The following DNAJC27 variants were observed in gnomAD, a reference collection of about 807,000 sequenced individuals.
The protein encoded by DNAJC27 is DnaJ heat shock protein family (Hsp40) member C27.
In DNAJC27, 25 loss-of-function variants were observed where a neutral mutation model predicts 31.4. That is an observed-to-expected ratio of 0.80 (90% CI 0.58 to 1.11). The LOEUF is 1.11. Among genes scored for constraint, DNAJC27 ranks in the 50% most tolerant of loss-of-function variants. The pLI is 0.00. For synonymous variants in DNAJC27, 106 were observed against 112.7 expected, an observed-to-expected ratio of 0.94 and a Z score of 0.37; for missense variants, 356 against 347.3, an observed-to-expected ratio of 1.02 and a Z score of -0.20.
chr2:24,947,478 A>T lies in DNAJC27; in HGVS notation c.*138T>A. 9.4e-7 allele frequency: 1 copy of T among 1,065,538 alleles called. No individual in the cohort carries two copies. The highest frequency in any genetic ancestry group is 1.8e-5 in the South Asian group (1 of 57,118). The allele number at this position is 1,065,538 out of a possible 1,614,324, so 66.0% of individuals were successfully genotyped here. ...AAATGTCTATGAAATGGGTACCTGA[A>T]TTACTGATATACAAATGACAACACA... On this transcript the variant is annotated 3_prime_UTR_variant, in exon 7 of 7. Coordinates refer to ENST00000264711, the MANE Select transcript of DNAJC27 (RefSeq NM_016544.3).
chr2:24,955,353 G>A (rs1665879981), intron 5 of DNAJC27, among the ~76,000 whole-genome samples: 1 of 152,090 alleles, frequency 6.6e-6, no homozygotes, highest in African/African-American at 2.4e-5. Context: ...CAGAGACTAT[G>A]CAATCTGAAA....
rs571784015 is a variant in DNAJC27, at chr2:24,953,160, A to C, written c.529-1606T>G. ...AATACTCATTTACCACACTACAGCC[A>C]CTTTTAAATGGACATATCTCCTCCT... On this transcript the variant is annotated intron_variant, in intron 5 of 6. Transcript: ENST00000264711. 6.6e-5 allele frequency among the ~76,000 whole-genome samples: 10 copies of C among 152,246 alleles called. No individual in the cohort carries two copies. In the East Asian group the frequency reaches 1.9e-3, roughly 29 times the overall value.
chr2:24,971,803 G>T lies in DNAJC27; in HGVS notation c.87+15C>A. 2 of 1,595,330 alleles carry T rather than the reference G, an allele frequency of 1.3e-6. No homozygotes were observed. Among genetic ancestry groups the T allele is most frequent in the Non-Finnish European group, 1.7e-6 (2 of 1,172,478 alleles). On this transcript the variant is annotated intron_variant, in intron 1 of 6. Coordinates refer to ENST00000264711, the MANE Select transcript of DNAJC27 (RefSeq NM_016544.3). ...GCCACGCTGGGGCCCGCCCCTCCCG[G>T]CTCGCTGTACTCACTTTCCCCACTT...
At chr2:24,947,864 T>C in intron 6 of DNAJC27, 116 bp from the exon 7 acceptor site, 5 of 1,197,954 alleles carry the variant, frequency 4.2e-6, no homozygotes, top group Non-Finnish European at 5.6e-6. Context: ...ATTATTACCC[T>C]TTCTCAAAGG....
At chr2:24,954,738 C>T (rs989348252) in intron 5 of DNAJC27, among the ~76,000 whole-genome samples, 11 of 152,128 alleles carry the variant, frequency 7.2e-5, no homozygotes, top group Admixed American at 7.2e-4. Flanking sequence ...GAGATCGAGA[C>T]CATCCTGGCT....
At position 24,957,172 on chromosome 2, in the gene DNAJC27, T is replaced by C. The variant is rs764892197; in HGVS notation, c.406-7A>G. 10 of 1,589,806 alleles carry C rather than the reference T, an allele frequency of 6.3e-6. No homozygotes were observed. The highest frequency in any genetic ancestry group is 8.5e-6 in the Non-Finnish European group (10 of 1,171,698). ...GATGTTTGGTACAATCAATCTGAAA[T>C]AGAAGGGGCGGGGGACAGAGAGAAG... On this transcript the variant is annotated splice_polypyrimidine_tract_variant and splice_region_variant and intron_variant, in intron 4 of 6. Transcript: ENST00000264711.
chr2:24,956,262 A>G (rs1056601985), intron 5 of DNAJC27, among the ~76,000 whole-genome samples: 4 of 152,246 alleles, frequency 2.6e-5, no homozygotes, highest in Admixed American at 6.5e-5. Flanking sequence ...AGATATATTC[A>G]TAAGAAGAAA....
At chr2:24,968,441 A>G (rs1371382821) in intron 1 of DNAJC27, among the ~76,000 whole-genome samples, 2 of 152,030 alleles carry the variant, frequency 1.3e-5, no homozygotes, top group Admixed American at 1.3e-4. Context: ...AGGCAAAATA[A>G]TAAGTTTTTT....
chr2:24,958,848 G>T (rs1040991430), intron 3 of DNAJC27, among the ~76,000 whole-genome samples: 1 of 152,066 alleles, frequency 6.6e-6, no homozygotes, highest in Non-Finnish European at 1.5e-5. Flanking sequence ...GGGGTTTCCG[G>T]GACAAAGTTC....
chr2:24,947,519 G>C lies in DNAJC27; in HGVS notation c.*97C>G. 2 of 1,408,940 alleles carry C rather than the reference G, an allele frequency of 1.4e-6. No individual in the cohort carries two copies. Among genetic ancestry groups the C allele is most frequent in the Non-Finnish European group, 1.9e-6 (2 of 1,033,564 alleles). The allele number at this position is 1,408,940 out of a possible 1,614,324, so 87.3% of individuals were successfully genotyped here. Reference sequence around the variant, plus strand: ...TGACAACACATGAATGAAAAGAGCAGTGAGATTCTGGGAAGGAAAACTCCA... The same window carrying C: ...TGACAACACATGAATGAAAAGAGCACTGAGATTCTGGGAAGGAAAACTCCA... On this transcript the variant is annotated 3_prime_UTR_variant, in exon 7 of 7. Coordinates refer to ENST00000264711, the MANE Select transcript of DNAJC27 (RefSeq NM_016544.3).
rs900092636 is a variant in DNAJC27, at chr2:24,947,933, A to T, written c.690-185T>A. Among the ~76,000 whole-genome samples the T allele has an allele frequency of 1.8e-4, 27 of 152,366 alleles. 1 individual carries two copies. The highest frequency in any genetic ancestry group is 6.3e-4 in the African/African-American group (26 of 41,576). ...CAATAAATAGTATGTAATATATAAC[A>T]CAAATTGAAAAAGTTATTATTGCAC... On this transcript the variant is annotated intron_variant, in intron 6 of 6. Coordinates refer to ENST00000264711, the MANE Select transcript of DNAJC27 (RefSeq NM_016544.3).
Position 24,963,333 on chromosome 2 carries a change from CAT to C in DNAJC27, c.240+70_240+71del, listed in dbSNP as rs1666094710. 4 of 1,250,156 alleles carry C rather than the reference CAT, an allele frequency of 3.2e-6. No homozygotes were observed. The African/African-American group carries it at 6.0e-5, about 19-fold the overall frequency. 77.4% of individuals were successfully genotyped at this position (1,250,156 alleles called of 1,614,324 possible). A position where few individuals can be genotyped will look rare whatever the true frequency, so the allele number is the denominator to read the frequency against. ...CACATGATATCAATATTGGTTGTTT[CAT>C]ATAATTCTGGATCTCTCCCCAAACC... On this transcript the variant is annotated intron_variant, in intron 3 of 6. Transcript: ENST00000264711.
At chr2:24,949,162 G>T (rs145810719) in intron 6 of DNAJC27, among the ~76,000 whole-genome samples, 201 of 152,256 alleles carry the variant, frequency 1.3e-3, no homozygotes, top group Non-Finnish European at 2.0e-3. Context: ...GACCTTCCTG[G>T]TGCCCTGCGT....
chr2:24,957,640 G>C (rs1665939515), intron 4 of DNAJC27, among the ~76,000 whole-genome samples, 170 bp downstream of exon 4: 1 of 152,098 alleles, frequency 6.6e-6, no homozygotes, highest in Non-Finnish European at 1.5e-5. Flanking sequence ...TGATATAGCA[G>C]GTTTTAGGCT....
intron 5 of DNAJC27, among the ~76,000 whole-genome samples, chr2:24,952,010 G>A (rs1476708707): frequency 6.6e-6 from 1 of 152,136 alleles, no homozygotes; most frequent in Non-Finnish European, 1.5e-5. Flanking sequence ...AGATACTTGG[G>A]TGGCTGAGGT....
intron 1 of DNAJC27, 43 bp downstream of exon 1, chr2:24,971,775 C>T (rs779104270): frequency 6.4e-7 from 1 of 1,551,732 alleles, no homozygotes; most frequent in Non-Finnish European, 8.7e-7. Context: ...GACACGTCGC[C>T]CCGCCACGCT....
chr2:24,956,786 T>A (rs1177537536), intron 5 of DNAJC27, among the ~76,000 whole-genome samples: 2 of 152,192 alleles, frequency 1.3e-5, no homozygotes, highest in East Asian at 3.9e-4. Context: ...CCTAGAAGTA[T>A]GTATTTTAAG....
At chr2:24,969,763 G>A (rs1407561171) in intron 1 of DNAJC27, among the ~76,000 whole-genome samples, 3 of 152,228 alleles carry the variant, frequency 2.0e-5, no homozygotes, top group Non-Finnish European at 2.9e-5. Flanking sequence ...ACAGGCGTGA[G>A]CCACTGCGCC....
Position 24,951,490 on chromosome 2 carries a change from C to T in DNAJC27, c.593G>A (p.Ser198Asn), listed in dbSNP as rs1212371401. Reference sequence around the variant, plus strand: ...TGCTTGTTCTTTGGTGAAACTAGCACTGCTATTGGTGGTAGGGCGTTTCCC... The same window carrying T: ...TGCTTGTTCTTTGGTGAAACTAGCATTGCTATTGGTGGTAGGGCGTTTCCC... The part of the protein sequence containing the change: ...NGGKRPTTNS[S>N]ASFTKEQADA... Residue 198 changes from serine (S) to asparagine (N), a missense_variant, in exon 6 of 7, where the codon AGT becomes AAT. Ser to Asn is a conservative substitution (Grantham distance 46). Coordinates refer to ENST00000264711, the MANE Select transcript of DNAJC27 (RefSeq NM_016544.3). 1.2e-6 allele frequency: 2 copies of T among 1,613,628 alleles called. No individual in the cohort carries two copies. The highest frequency in any genetic ancestry group is 2.7e-5 in the African/African-American group (2 of 74,910).
Sources: allele counts gnomAD v4.1 joint callset (sites outside exome capture counted in the v4.1 genomes callset), GRCh38; gene constraint gnomAD v4.1.1; transcripts MANE v1.5; gene names NCBI Gene and HGNC (gene_info 2026-07-23, HGNC 2026-07-21).